OTUD7A: variants seen among roughly 807,000 people sequenced by gnomAD.
The protein encoded by OTUD7A is OTU domain-containing protein 7A.
OTUD7A carries 12 observed loss-of-function variants against 65.7 expected under a neutral mutation model. The ratio of observed to expected loss-of-function variants is 0.18; its 90% CI spans 0.12 to 0.30. OTUD7A has a LOEUF of 0.30. Among genes scored for constraint, OTUD7A ranks in the 10% least tolerant of loss-of-function variants. The probability of loss-of-function intolerance (pLI) is 1.00; values close to 1 mark genes in which losing one functional copy is unlikely to be tolerated. For synonymous variants in OTUD7A, 641 were observed against 586.3 expected (o/e 1.09, Z -1.35); for missense variants, 1,148 against 1,304.8 (o/e 0.88, Z 1.85).
At chr15:31,581,101 G>A (rs12906386) in intron 3 of OTUD7A, among the ~76,000 whole-genome samples, 49,870 of 152,096 alleles carry the variant, frequency 0.33, 10,717 homozygotes, top group African/African-American at 0.61. Flanking sequence ...AAAGGAAGGG[G>A]CTACAGGCCC....
At chr15:31,744,464 C>T (rs567930744) in intron 1 of OTUD7A, among the ~76,000 whole-genome samples, 1 of 152,138 alleles carries the variant, frequency 6.6e-6, no homozygotes, top group Non-Finnish European at 1.5e-5. Context: ...AAATTATTTA[C>T]TATATTAACT....
chr15:31,750,114 G>A (rs934505894), intron 1 of OTUD7A, among the ~76,000 whole-genome samples: 3 of 152,256 alleles, frequency 2.0e-5, no homozygotes, highest in African/African-American at 7.2e-5. Flanking sequence ...AATCAATATT[G>A]TTAAAATGTT....
chr15:31,651,572 AACACACACACAC>A (rs60554390), intron 3 of OTUD7A, among the ~76,000 whole-genome samples: 10,465 of 140,854 alleles, frequency 0.074, 834 homozygotes, highest in African/African-American at 0.2. Flanking sequence ...AATCCCAAGG[AACACACACACAC>A]ACACACACAC....
chr15:31,518,305 C>G (rs2041889641), intron 8 of OTUD7A, among the ~76,000 whole-genome samples: 1 of 152,016 alleles, frequency 6.6e-6, no homozygotes, highest in Non-Finnish European at 1.5e-5. Context: ...AACCCTGTCT[C>G]TACTAAAAAT....
intron 1 of OTUD7A, among the ~76,000 whole-genome samples, chr15:31,675,379 C>G (rs923727238): frequency 4.6e-5 from 7 of 152,148 alleles, no homozygotes; most frequent in Non-Finnish European, 1.0e-4. Context: ...GCCATAATGT[C>G]TCCTCTCTGT....
chr15:31,734,834 CA>C (rs1196290782), intron 1 of OTUD7A, among the ~76,000 whole-genome samples: 2 of 151,702 alleles, frequency 1.3e-5, no homozygotes, highest in Non-Finnish European at 2.9e-5. Flanking sequence ...CCATCCTGGA[CA>C]TAGGTACAGG....
chr15:31,656,184 T>A (rs1167013539), intron 2 of OTUD7A, among the ~76,000 whole-genome samples: 1 of 152,224 alleles, frequency 6.6e-6, no homozygotes, highest in African/African-American at 2.4e-5. Context: ...TGACCCAGGC[T>A]GACTGTAGCA....
intron 5 of OTUD7A, among the ~76,000 whole-genome samples, chr15:31,555,350 G>A (rs12439784): frequency 0.23 from 35,052 of 151,938 alleles, 5,242 homozygotes; most frequent in East Asian, 0.67. Flanking sequence ...ATAATTTTTT[G>A]ACATCTGTAT....
chr15:31,608,432 A>C (rs1890299049), intron 3 of OTUD7A, among the ~76,000 whole-genome samples: 1 of 152,246 alleles, frequency 6.6e-6, no homozygotes, highest in Admixed American at 6.5e-5. Flanking sequence ...TGTTTGAAGC[A>C]GACTTACAGA....
chr15:31,576,110 A>G (rs1889195877), intron 3 of OTUD7A, among the ~76,000 whole-genome samples: 1 of 152,202 alleles, frequency 6.6e-6, no homozygotes, highest in Non-Finnish European at 1.5e-5. Context: ...TAAGATAGCT[A>G]AAAAGATAAA....
rs955592010 is a variant in OTUD7A, at chr15:31,751,586, T to C, written c.-99-94509A>G. Among the ~76,000 whole-genome samples the C allele has an allele frequency of 4.6e-5, 7 of 152,270 alleles. No individual in the cohort carries two copies. In the South Asian group the frequency reaches 8.3e-4, roughly 18 times the overall value. On this transcript the variant is annotated intron_variant, in intron 1 of 12. Coordinates refer to ENST00000307050, the MANE Select transcript of OTUD7A (RefSeq NM_001382637.1). ...GGGTATCTACCCAAAAGAAAATAAA[T>C]TGTACTACCCAAAAGATACAAGCAT...
chr15:31,841,401 G>A (rs189946795), intron 1 of OTUD7A, among the ~76,000 whole-genome samples: 31 of 152,256 alleles, frequency 2.0e-4, no homozygotes, highest in Non-Finnish European at 4.1e-4. Flanking sequence ...CAGCCCTGAC[G>A]ATGCAGGACA....
chr15:31,718,561 A>C (rs1376369577), intron 1 of OTUD7A, among the ~76,000 whole-genome samples: 1 of 151,080 alleles, frequency 6.6e-6, no homozygotes, highest in Non-Finnish European at 1.5e-5. Flanking sequence ...CTCATCACAC[A>C]AGCCCCATCA....
At chr15:31,735,471 T>C (rs1330272219) in intron 1 of OTUD7A, among the ~76,000 whole-genome samples, 1 of 150,138 alleles carries the variant, frequency 6.7e-6, no homozygotes, top group African/African-American at 2.5e-5. Flanking sequence ...GAGGTTGCAG[T>C]GAGCCAAGAT....
At chr15:31,847,847 G>A (rs746709176) in intron 1 of OTUD7A, among the ~76,000 whole-genome samples, 6 of 152,156 alleles carry the variant, frequency 3.9e-5, no homozygotes, top group South Asian at 2.1e-4. Flanking sequence ...ATAAGCAAGC[G>A]CGTCTTACCA....
At chr15:31,617,529 T>C (rs1018179107) in intron 3 of OTUD7A, among the ~76,000 whole-genome samples, 3 of 152,076 alleles carry the variant, frequency 2.0e-5, no homozygotes, top group Admixed American at 6.6e-5. Flanking sequence ...GCAAGACTTA[T>C]ATACATTTAT....
At chr15:31,649,309 C>T (rs1166459085) in intron 3 of OTUD7A, among the ~76,000 whole-genome samples, 4 of 152,186 alleles carry the variant, frequency 2.6e-5, no homozygotes, top group African/African-American at 4.8e-5. Context: ...GTTCACTTGC[C>T]TCAGTTTACC....
intron 3 of OTUD7A, among the ~76,000 whole-genome samples, chr15:31,638,271 T>C (rs1891399323): frequency 6.6e-6 from 1 of 152,206 alleles, no homozygotes; most frequent in Non-Finnish European, 1.5e-5. Flanking sequence ...GCTCAGATGA[T>C]TGTTAGCATT....
intron 1 of OTUD7A, among the ~76,000 whole-genome samples, chr15:31,676,099 T>C (rs1465750670): frequency 2.6e-5 from 4 of 152,124 alleles, no homozygotes; most frequent in Admixed American, 2.0e-4. Flanking sequence ...ACTTCACACA[T>C]AAAGATATTG....
Sources: allele counts gnomAD v4.1 joint callset (sites outside exome capture counted in the v4.1 genomes callset), GRCh38; gene constraint gnomAD v4.1.1; transcripts MANE v1.5; gene names NCBI Gene and HGNC (gene_info 2026-07-23, HGNC 2026-07-21).